ADAM22: variants seen among roughly 807,000 people sequenced by gnomAD.
ADAM22 encodes disintegrin and metalloproteinase domain-containing protein 22.
A neutral mutation model predicts 144.6 loss-of-function variants in ADAM22; 65 were observed. The observed-to-expected ratio is 0.45, with a 90% CI of 0.37 to 0.55. The LOEUF (loss-of-function observed/expected upper bound fraction) is 0.55, where lower values mean the gene tolerates loss of function less well. Among genes scored for constraint, ADAM22 ranks in the 20% least tolerant of loss-of-function variants. The probability of loss-of-function intolerance (pLI) is 0.00; values close to 1 mark genes in which losing one functional copy is unlikely to be tolerated. For missense variants in ADAM22, 974 were observed against 1,184.9 expected, an observed-to-expected ratio of 0.82 and a Z score of 2.61; for synonymous variants, 391 against 412.6, an observed-to-expected ratio of 0.95 and a Z score of 0.63.
At chr7:88,166,505 A>G (rs1299541564) in intron 24 of ADAM22, among the ~76,000 whole-genome samples, 1 of 152,118 alleles carries the variant, frequency 6.6e-6, no homozygotes, top group Non-Finnish European at 1.5e-5. Context: ...ATAGAAATCA[A>G]ATGCAGACAG....
At position 88,155,937 on chromosome 7, in the gene ADAM22, G is replaced by T; in HGVS notation, c.1838G>T (p.Arg613Met). The T allele has an allele frequency of 6.2e-7, 1 of 1,613,376 alleles. No homozygotes were observed. Among genetic ancestry groups the T allele is most frequent in the Middle Eastern group, 1.7e-4 (1 of 6,052 alleles). Residue 613 changes from arginine to methionine, a missense_variant, in exon 22 of 32, where the codon AGG becomes ATG. Arg to Met is a moderately conservative substitution (Grantham distance 91). Coordinates refer to ENST00000413139, the MANE Select transcript of ADAM22 (RefSeq NM_001324418.2). ...TGTACCAATATTGGCAATATCCCAA[G>T]GCTTGGAGAACTCGATGGTGAAATC... Reference protein sequence around the residue: ...LLCTNIGNIPRLGELDGEITS... With the variant: ...LLCTNIGNIPMLGELDGEITS...
chr7:88,126,178 G>A (rs574488230), intron 8 of ADAM22, among the ~76,000 whole-genome samples: 4 of 152,068 alleles, frequency 2.6e-5, no homozygotes, highest in African/African-American at 7.2e-5. Flanking sequence ...TTGATATGAC[G>A]CTTTAAACCA....
intron 4 of ADAM22, among the ~76,000 whole-genome samples, chr7:88,099,169 G>T (rs913191988): frequency 3.3e-5 from 5 of 152,300 alleles, no homozygotes; most frequent in Admixed American, 6.5e-5. Flanking sequence ...TTTAGGGGAA[G>T]ATGGAAAATC....
intron 3 of ADAM22, among the ~76,000 whole-genome samples, chr7:88,053,535 C>T (rs2129474979): frequency 7.3e-6 from 1 of 136,732 alleles, no homozygotes; most frequent in South Asian, 2.3e-4. Context: ...TTAGAGATTT[C>T]AGGATAACTC....
intron 2 of ADAM22, among the ~76,000 whole-genome samples, chr7:87,962,918 C>T (rs751760777): frequency 1.3e-5 from 2 of 152,096 alleles, no homozygotes; most frequent in Admixed American, 6.6e-5. Context: ...AAATTTGTCT[C>T]GAAGATCTGG....
intron 3 of ADAM22, 32 bp downstream of exon 3, chr7:87,978,444 A>T: frequency 6.3e-7 from 1 of 1,580,604 alleles, no homozygotes; most frequent in Non-Finnish European, 8.7e-7. Flanking sequence ...CTTTTGTCAG[A>T]TACACATTGA....
At chr7:88,050,269 TG>T (rs948175376) in intron 3 of ADAM22, among the ~76,000 whole-genome samples, 1 of 148,884 alleles carries the variant, frequency 6.7e-6, no homozygotes, top group African/African-American at 2.5e-5. Context: ...GGTGCATGCC[TG>T]TAGTCCCAGC....
chr7:87,953,958 T>G (rs1408530083), intron 2 of ADAM22, among the ~76,000 whole-genome samples: 2 of 152,178 alleles, frequency 1.3e-5, no homozygotes, highest in Non-Finnish European at 2.9e-5. Flanking sequence ...GAGACTAGGA[T>G]TGCAACCCCT....
intron 4 of ADAM22, among the ~76,000 whole-genome samples, chr7:88,084,351 C>T (rs1474229964): frequency 6.6e-6 from 1 of 152,184 alleles, no homozygotes; most frequent in Admixed American, 6.5e-5. Flanking sequence ...CCTGTCATAC[C>T]AGGGAAATGA....
intron 21 of ADAM22, 82 bp from the exon 22 acceptor site, chr7:88,155,805 T>A (rs1797058502): frequency 3.3e-6 from 5 of 1,502,018 alleles, no homozygotes; most frequent in Non-Finnish European, 4.5e-6. Flanking sequence ...AACCAAATGC[T>A]AAAATGAGAG....
chr7:88,085,449 G>A (rs1818195813), intron 4 of ADAM22, among the ~76,000 whole-genome samples: 1 of 152,176 alleles, frequency 6.6e-6, no homozygotes, highest in African/African-American at 2.4e-5. Flanking sequence ...TGGATGCAGT[G>A]TCATGCCTGT....
intron 2 of ADAM22, among the ~76,000 whole-genome samples, chr7:87,955,276 TG>T (rs1292354322): frequency 1.3e-5 from 2 of 152,224 alleles, no homozygotes; most frequent in African/African-American, 4.8e-5. Flanking sequence ...TATCTACTTT[TG>T]GTCTTTGATG....
chr7:88,036,537 C>T (rs1012221385), intron 3 of ADAM22, among the ~76,000 whole-genome samples: 3 of 152,110 alleles, frequency 2.0e-5, no homozygotes, highest in Admixed American at 6.5e-5. Flanking sequence ...AACAGTATAA[C>T]AGCACAGATA....
intron 4 of ADAM22, among the ~76,000 whole-genome samples, chr7:88,101,537 T>C (rs1475623812): frequency 2.0e-5 from 3 of 152,166 alleles, no homozygotes; most frequent in Non-Finnish European, 4.4e-5. Context: ...AACTGGAAGT[T>C]TGGTTATTCT....
chr7:87,981,190 C>T (rs1853317606), intron 3 of ADAM22, among the ~76,000 whole-genome samples: 1 of 152,106 alleles, frequency 6.6e-6, no homozygotes, highest in Admixed American at 6.5e-5. Context: ...ACATAGTCCC[C>T]CAACAAAGAA....
chr7:87,934,409 G>T lies in ADAM22; in HGVS notation c.-57G>T. On this transcript the variant is annotated 5_prime_UTR_variant, in exon 1 of 32. Coordinates refer to ENST00000413139, the MANE Select transcript of ADAM22 (RefSeq NM_001324418.2). ...GGCGCGGAGCGAGGGAAACGGACTC[G>T]GCGGCGCCGGCATGAGGAGCTGAGC... 6.6e-7 allele frequency: 1 copy of T among 1,519,672 alleles called. No homozygotes were observed. Among genetic ancestry groups the T allele is most frequent in the Non-Finnish European group, 8.8e-7 (1 of 1,132,510 alleles). 94.1% of individuals were successfully genotyped at this position (1,519,672 alleles called of 1,614,324 possible). A position where few individuals can be genotyped will look rare whatever the true frequency, so the allele number is the denominator to read the frequency against.
chr7:88,171,585 C>A, intron 26 of ADAM22, 24 bp downstream of exon 26: 1 of 1,562,710 alleles, frequency 6.4e-7, no homozygotes, highest in Non-Finnish European at 8.6e-7. Context: ...ATAATGTGAA[C>A]ATAAAACTGA....
chr7:88,177,942 C>T (rs1158286188), intron 26 of ADAM22, among the ~76,000 whole-genome samples: 1 of 152,148 alleles, frequency 6.6e-6, no homozygotes, highest in Non-Finnish European at 1.5e-5. Context: ...GTTTGTGGCA[C>T]CTCCAACAAT....
At chr7:88,170,843 T>G (rs1844148038) in intron 25 of ADAM22, among the ~76,000 whole-genome samples, 1 of 151,986 alleles carries the variant, frequency 6.6e-6, no homozygotes, top group Non-Finnish European at 1.5e-5. Flanking sequence ...TCACTGGTAC[T>G]GTACTACCAC....
Sources: gnomAD v4.1 joint callset for allele counts (sites outside exome capture counted in the v4.1 genomes callset) on GRCh38, gnomAD v4.1.1 for gene constraint, MANE v1.5 for transcripts, NCBI Gene and HGNC (gene_info 2026-07-23, HGNC 2026-07-21) for gene names.